Variants in BRD10 observed in about 807,000 individuals in gnomAD.
The protein encoded by BRD10 is uncharacterized bromodomain-containing protein 10.
chr9:5,940,414 C>T, the BRD10 span, among the ~76,000 whole-genome samples: 12 of 152,024 alleles, frequency 7.9e-5, no homozygotes, highest in African/African-American at 2.7e-4. Context: ...AGGCTGGTCT[C>T]GAACTCCCAA....
chr9:5,972,126 C>T, the BRD10 span, among the ~76,000 whole-genome samples: 1 of 151,998 alleles, frequency 6.6e-6, no homozygotes, highest in Non-Finnish European at 1.5e-5. Flanking sequence ...TTAAGGAACT[C>T]CTACTACTAC....
At chr9:5,921,267 G>A in the BRD10 span, 3 of 1,613,952 alleles carry the variant, frequency 1.9e-6, no homozygotes, top group Non-Finnish European at 1.7e-6. Flanking sequence ...CCTATGTTTA[G>A]TCCAATTTTC....
the BRD10 span, chr9:5,910,606 G>GAC: frequency 6.6e-6 from 1 of 152,250 alleles, no homozygotes; most frequent in African/African-American, 2.4e-5. Context: ...CCCCCAGACT[G>GAC]TCACTCACTG....
the BRD10 span, among the ~76,000 whole-genome samples, chr9:5,913,262 A>T: frequency 1.3e-5 from 2 of 152,212 alleles, no homozygotes; most frequent in African/African-American, 4.8e-5. Context: ...AGCATTTAGT[A>T]AATATCTGGA....
At chr9:5,994,901 C>CTTTCTTTTTTCT in the BRD10 span, among the ~76,000 whole-genome samples, 50 of 141,676 alleles carry the variant, frequency 3.5e-4, no homozygotes, top group East Asian at 2.5e-3. Flanking sequence ...TATCATTTTT[C>CTTTCTTTTTTCT]TTTTTTTTTT....
the BRD10 span, among the ~76,000 whole-genome samples, chr9:6,000,216 T>G: frequency 2.0e-5 from 3 of 152,144 alleles, no homozygotes; most frequent in African/African-American, 7.2e-5. Flanking sequence ...TGCTTATTTC[T>G]GGAACATTCA....
the BRD10 span, among the ~76,000 whole-genome samples, chr9:5,947,915 A>G: frequency 6.6e-6 from 1 of 152,194 alleles, no homozygotes; most frequent in Admixed American, 6.6e-5. Context: ...TGAAAAACGT[A>G]TCTGAGGCAC....
the BRD10 span, among the ~76,000 whole-genome samples, chr9:5,974,799 C>A: frequency 2.0e-5 from 3 of 152,130 alleles, no homozygotes; most frequent in African/African-American, 7.2e-5. Flanking sequence ...TTCCCACTAA[C>A]CATGCTAGAA....
chr9:5,923,233 G>C, the BRD10 span: 1 of 1,613,828 alleles, frequency 6.2e-7, no homozygotes, highest in Non-Finnish European at 8.5e-7. Context: ...TCTTCGGTAA[G>C]TCTTTTGAAG....
the BRD10 span, among the ~76,000 whole-genome samples, chr9:6,001,571 C>T: frequency 6.6e-6 from 1 of 152,152 alleles, no homozygotes; most frequent in Non-Finnish European, 1.5e-5. Flanking sequence ...TTCTGTTTAC[C>T]TATCACCTTG....
chr9:5,989,061 C>G, the BRD10 span, among the ~76,000 whole-genome samples: 1 of 151,524 alleles, frequency 6.6e-6, no homozygotes, highest in Admixed American at 6.6e-5. Flanking sequence ...AGAAGCCCTG[C>G]CTCTACTAAA....
the BRD10 span, among the ~76,000 whole-genome samples, chr9:5,962,322 T>G: frequency 8.9e-6 from 1 of 112,770 alleles, no homozygotes. Flanking sequence ...AATGGATAAA[T>G]TCCTCGACAC....
the BRD10 span, among the ~76,000 whole-genome samples, chr9:5,935,083 T>G: frequency 1.3e-5 from 2 of 152,138 alleles, no homozygotes; most frequent in Non-Finnish European, 2.9e-5. Flanking sequence ...AAAGTGCTAT[T>G]TTGACAGTAT....
the BRD10 span, among the ~76,000 whole-genome samples, chr9:5,991,178 GTGTATA>G: frequency 1.6e-4 from 6 of 37,252 alleles, no homozygotes; most frequent in Non-Finnish European, 1.2e-3. Flanking sequence ...GTGTGTGTGT[GTGTATA>G]TATATATATA....
At chr9:5,934,050 AT>A in the BRD10 span, among the ~76,000 whole-genome samples, 1,082 of 152,330 alleles carry the variant, frequency 7.1e-3, 14 homozygotes, top group African/African-American at 0.025. Context: ...TTGTAATATT[AT>A]ATCTAAACAA....
the BRD10 span, among the ~76,000 whole-genome samples, chr9:5,956,515 G>C: frequency 6.6e-6 from 1 of 152,066 alleles, no homozygotes; most frequent in Non-Finnish European, 1.5e-5. Context: ...TTCTTCATCT[G>C]TAAAACAAGG....
the BRD10 span, among the ~76,000 whole-genome samples, chr9:5,984,939 G>A: frequency 6.6e-6 from 1 of 151,276 alleles, no homozygotes; most frequent in Non-Finnish European, 1.5e-5. Flanking sequence ...AAAAGTGAAG[G>A]TCCTAGTATA....
the BRD10 span, among the ~76,000 whole-genome samples, chr9:5,993,887 T>G: frequency 6.6e-6 from 1 of 152,138 alleles, no homozygotes; most frequent in Non-Finnish European, 1.5e-5. Flanking sequence ...TAGAAATACT[T>G]TCCAAGAACA....
At chr9:5,969,468 A>T in the BRD10 span, 1 of 1,329,478 alleles carries the variant, frequency 7.5e-7, no homozygotes, top group Non-Finnish European at 1.0e-6. Context: ...TACTATTATT[A>T]TTCAGAGGGT....
Sources: allele counts gnomAD v4.1 joint callset (sites outside exome capture counted in the v4.1 genomes callset), GRCh38; gene constraint gnomAD v4.1.1; transcripts MANE v1.5; gene names NCBI Gene and HGNC (gene_info 2026-07-23, HGNC 2026-07-21).